The following SNX15 variants were observed in gnomAD, a reference collection of about 807,000 sequenced individuals.
The protein encoded by SNX15 is sorting nexin 15.
Under a neutral mutation model 35.2 loss-of-function variants are expected in SNX15, and 29 were observed. That is an observed-to-expected ratio of 0.82 (90% CI 0.61 to 1.12). The LOEUF is 1.12. Ranked by LOEUF, SNX15 falls within the 50% of genes most tolerant of loss-of-function variation. SNX15 has a pLI of 0.00. For synonymous variants in SNX15, 189 were observed against 188.2 expected, an observed-to-expected ratio of 1.00 and a Z score of -0.03; for missense variants, 400 against 451.5, an observed-to-expected ratio of 0.89 and a Z score of 1.03.
chr11:65,033,622 G>A (rs1946466492), intron 3 of SNX15, among the ~76,000 whole-genome samples: 2 of 150,974 alleles, frequency 1.3e-5, no homozygotes, highest in Admixed American at 6.6e-5. Flanking sequence ...AATTGCATAT[G>A]TAGCTCATAT....
chr11:65,034,156 C>T (rs1031205936), intron 3 of SNX15, among the ~76,000 whole-genome samples: 2 of 152,142 alleles, frequency 1.3e-5, no homozygotes, highest in African/African-American at 4.8e-5. Flanking sequence ...AACTGTGGCT[C>T]GCACCTGTAA....
intron 1 of SNX15, among the ~76,000 whole-genome samples, chr11:65,028,921 A>G (rs186622538): frequency 0.01 from 1,568 of 151,640 alleles, 38 homozygotes; most frequent in Admixed American, 0.053. Context: ...GTGAAACCCC[A>G]TCTCTACTAA....
chr11:65,037,454 A>T (rs1234914196), intron 6 of SNX15: 1 of 152,258 alleles, frequency 6.6e-6, no homozygotes, highest in Non-Finnish European at 1.5e-5. Context: ...CCTGGACTCA[A>T]GTAGTCCTCC....
In SNX15 at chr11:65,038,828, C is replaced by A; in HGVS notation, c.921C>A (p.Pro307=). The A allele has an allele frequency of 6.3e-7, 1 of 1,576,438 alleles. No homozygotes were observed. The change falls in exon 7 of 8, where the codon CCC becomes CCA. Residue 307 remains proline (P), a splice_region_variant and synonymous_variant. Transcript: ENST00000377244. ...DGVHVLLQGV[P]SDPLPARQEG... ...TGCACGTCTTGCTTCAGGGAGTCCC[C>A]AGTGAGTAGGGACTGAGGGTGGAGG...
Position 65,038,617 on chromosome 11 carries a change from T to C in SNX15, c.710T>C (p.Met237Thr). ...SPTHVAELAT[M>T]EVESARLDQE... ...ACCCATGTGGCTGAGCTGGCAACGA[T>C]GGAGGTGGAGTCTGCAAGGCTGGAC... The change falls in exon 7 of 8, where the codon ATG (methionine) becomes ACG (threonine). Residue 237 changes from methionine to threonine, a missense_variant. Coordinates refer to ENST00000377244, the MANE Select transcript of SNX15 (RefSeq NM_013306.5). 6.3e-7 allele frequency: 1 copy of C among 1,599,522 alleles called. No homozygotes were observed. The highest frequency in any genetic ancestry group is 8.5e-7 in the Non-Finnish European group (1 of 1,172,224).
chr11:65,032,091 C>A, intron 1 of SNX15, 77 bp from the exon 2 acceptor site: 1 of 1,436,782 alleles, frequency 7.0e-7, no homozygotes, highest in South Asian at 1.2e-5. Context: ...GACTAGGAGG[C>A]ACCTGGGGCA....
chr11:65,032,384 TG>T, intron 2 of SNX15, 46 bp from the exon 3 acceptor site: 4 of 1,613,448 alleles, frequency 2.5e-6, no homozygotes, highest in Non-Finnish European at 3.4e-6. Context: ...TGGGGGCGGC[TG>T]CCTCCCACCA....
intron 3 of SNX15, among the ~76,000 whole-genome samples, chr11:65,034,464 C>T (rs1458524022): frequency 1.3e-5 from 2 of 152,168 alleles, no homozygotes; most frequent in African/African-American, 4.8e-5. Context: ...TTGGGCAAGT[C>T]ACTTTCCCTC....
chr11:65,031,775 T>C (rs1277209947), intron 1 of SNX15, among the ~76,000 whole-genome samples: 1 of 152,080 alleles, frequency 6.6e-6, no homozygotes, highest in Non-Finnish European at 1.5e-5. Flanking sequence ...TGGTGGTGCA[T>C]GTCTGTAGCT....
In SNX15 at chr11:65,034,870, G is replaced by A. The variant is rs1946481003; in HGVS notation, c.280G>A (p.Glu94Lys). ...AGGCCGGTTTGAAGCCTCAGTGATC[G>A]AGGAGCGGCGAAAGGGGGCAGAGGA... ...VFGRFEASVI[E>K]ERRKGAEDLL... Residue 94 changes from glutamate (E) to lysine (K), a missense_variant, in exon 4 of 8, where the codon GAG becomes AAG. Transcript: ENST00000377244. The A allele has an allele frequency of 7.4e-6, 12 of 1,614,000 alleles. No homozygotes were observed. The highest frequency in any genetic ancestry group is 1.7e-4 in the Middle Eastern group (1 of 6,060).
At chr11:65,038,879 A>G in intron 7 of SNX15, 50 bp downstream of exon 7, 1 of 1,446,362 alleles carries the variant, frequency 6.9e-7, no homozygotes, top group Non-Finnish European at 9.2e-7. Context: ...CAGGTGGGGC[A>G]GTGATGAAGG....
rs1321167617 is a variant in SNX15 at position 65,027,590 on chromosome 11, C to T, written c.53C>T (p.Pro18Leu). ...DFLRHYTVSD[P>L]RTHPKGYTEY... ...CTGCGGCACTACACAGTGTCGGACCCCAGGACTCACCCCAAGGGCTACACC... is the reference window on the plus strand; with the variant it reads ...CTGCGGCACTACACAGTGTCGGACCTCAGGACTCACCCCAAGGGCTACACC... The change falls in exon 1 of 8, where the codon CCC (proline) becomes CTC (leucine). Residue 18 changes from proline (P) to leucine (L), a missense_variant. Physicochemically the swap from Pro to Leu is moderately conservative, Grantham distance 98 (BLOSUM62 -3). Transcript: ENST00000377244. 1.9e-6 allele frequency: 3 copies of T among 1,614,014 alleles called. No homozygotes were observed. The highest frequency in any genetic ancestry group is 2.5e-6 in the Non-Finnish European group (3 of 1,180,032).
intron 3 of SNX15, among the ~76,000 whole-genome samples, chr11:65,033,608 T>G (rs574604898): frequency 6.6e-5 from 10 of 152,260 alleles, no homozygotes; most frequent in African/African-American, 2.4e-4. Flanking sequence ...GCTAGAAAAT[T>G]TAAAATTGCA....
chr11:65,035,569 T>C lies in SNX15; in HGVS notation c.570T>C (p.Phe190=). The change falls in exon 6 of 8, where the codon TTT becomes TTC. Residue 190 remains phenylalanine (F), a synonymous_variant. Coordinates refer to ENST00000377244, the MANE Select transcript of SNX15 (RefSeq NM_013306.5). ...CCCAGGAGGCCCTGGATCTCCTCTT[T>C]AACTGTGAGAGCACCGAGGAGGCAT... is the stretch of plus-strand genomic sequence containing the variant. ...SPAQEALDLL[F]NCESTEEASG... is the part of the protein sequence containing the mutation. 1 of 1,613,924 alleles carries C rather than the reference T, an allele frequency of 6.2e-7. No individual in the cohort carries two copies. Among genetic ancestry groups the C allele is most frequent in the South Asian group, 1.1e-5 (1 of 91,046 alleles).
In SNX15 at chr11:65,029,147, G is replaced by A. The variant is rs1278934165; in HGVS notation, c.99+1511G>A. Among the ~76,000 whole-genome samples the A allele has an allele frequency of 4.7e-5, 7 of 148,782 alleles. No homozygotes were observed. In the Admixed American group the frequency reaches 4.8e-4, roughly 10 times the overall value. On this transcript the variant is annotated intron_variant, in intron 1 of 7. Transcript: ENST00000377244. The stretch of plus-strand genomic sequence containing the variant: ...TAAATAAAAATAAGTCTTCCCAGTG[G>A]CTTTTTTGTGTCGTTGTTTTGTTTT...
At chr11:65,032,049 C>G in intron 1 of SNX15, 119 bp from the exon 2 acceptor site, 1 of 937,108 alleles carries the variant, frequency 1.1e-6, no homozygotes, top group East Asian at 2.4e-5. Context: ...ATGCCAGAGG[C>G]CAATGGCCAA....
intron 3 of SNX15, among the ~76,000 whole-genome samples, chr11:65,034,042 G>A (rs1946471716): frequency 6.6e-6 from 1 of 152,130 alleles, no homozygotes; most frequent in Non-Finnish European, 1.5e-5. Context: ...AAGGATTGCT[G>A]CTGTCAGGTT....
chr11:65,030,136 C>G (rs1225025250), intron 1 of SNX15, among the ~76,000 whole-genome samples: 2 of 151,950 alleles, frequency 1.3e-5, no homozygotes, highest in Non-Finnish European at 2.9e-5. Context: ...GCGGGTGGAT[C>G]ATGAGGTCAA....
At chr11:65,033,543 CAA>C (rs35724941) in intron 3 of SNX15, among the ~76,000 whole-genome samples, 963 of 86,436 alleles carry the variant, frequency 0.011, 7 homozygotes, top group African/African-American at 0.03. Flanking sequence ...GACTCCGTCT[CAA>C]AAAAAAAAAA....
Sources: allele counts gnomAD v4.1 joint callset (sites outside exome capture counted in the v4.1 genomes callset), GRCh38; gene constraint gnomAD v4.1.1; transcripts MANE v1.5; gene names NCBI Gene and HGNC (gene_info 2026-07-23, HGNC 2026-07-21).